PCDH15: variants seen among roughly 807,000 people sequenced by gnomAD.
The protein encoded by PCDH15 is protocadherin related 15, also known as protocadherin-15.
Under a neutral mutation model 178.5 loss-of-function variants are expected in PCDH15, and 129 were observed. The observed-to-expected ratio is 0.72, with a 90% confidence interval of 0.63 to 0.84. The LOEUF is 0.84. Among genes scored for constraint, PCDH15 ranks in the 40% least tolerant of loss-of-function variants. The probability of loss-of-function intolerance (pLI) is 0.00; values close to 1 mark genes in which losing one functional copy is unlikely to be tolerated. For synonymous variants in PCDH15, 800 were observed against 732.0 expected (o/e 1.09, Z -1.50); for missense variants, 2,230 against 2,099.9 (o/e 1.06, Z -1.21).
chr10:53,814,840 T>A (rs1301563664), intron 35 of PCDH15, among the ~76,000 whole-genome samples: 2 of 151,898 alleles, frequency 1.3e-5, no homozygotes, highest in Non-Finnish European at 2.9e-5. Flanking sequence ...GGCACACGCC[T>A]GTAATCCCAG....
At chr10:55,240,111 C>G (rs1841500691) in intron 1 of PCDH15, among the ~76,000 whole-genome samples, 1 of 152,112 alleles carries the variant, frequency 6.6e-6, no homozygotes, top group Non-Finnish European at 1.5e-5. Flanking sequence ...CTGTGAATAA[C>G]AGTGTGGAGG....
At chr10:54,477,570 G>C (rs773086928) in intron 3 of PCDH15, among the ~76,000 whole-genome samples, 1 of 152,126 alleles carries the variant, frequency 6.6e-6, no homozygotes, top group Non-Finnish European at 1.5e-5. Flanking sequence ...CATGTGTGTT[G>C]AATGAATGAA....
At chr10:55,099,249 C>T (rs894049266) in intron 2 of PCDH15, among the ~76,000 whole-genome samples, 1 of 152,026 alleles carries the variant, frequency 6.6e-6, no homozygotes, top group Non-Finnish European at 1.5e-5. Context: ...CTACTTACAG[C>T]TTCTTCAAAT....
At chr10:54,417,188 C>A (rs1171740683) in intron 3 of PCDH15, among the ~76,000 whole-genome samples, 1 of 152,138 alleles carries the variant, frequency 6.6e-6, no homozygotes, top group Non-Finnish European at 1.5e-5. Flanking sequence ...CCTCATCCAG[C>A]AACCAAAATT....
intron 1 of PCDH15, among the ~76,000 whole-genome samples, chr10:55,306,663 C>T (rs957804938): frequency 4.6e-5 from 7 of 152,210 alleles, no homozygotes; most frequent in South Asian, 2.1e-4. Context: ...AATAGAAACT[C>T]GAGATTCTCA....
chr10:55,587,113 T>G (rs911971376), intron 2 of PCDH15, among the ~76,000 whole-genome samples: 2 of 152,114 alleles, frequency 1.3e-5, no homozygotes, highest in Admixed American at 1.3e-4. Context: ...TGTACCTTTT[T>G]TGTATTGTTA....
intron 3 of PCDH15, among the ~76,000 whole-genome samples, chr10:54,409,027 C>T (rs10733931): frequency 0.79 from 120,786 of 152,112 alleles, 48,738 homozygotes; most frequent in East Asian, 0.99. Flanking sequence ...GTTTCTCCCA[C>T]AGTATTCTCA....
intron 2 of PCDH15, among the ~76,000 whole-genome samples, chr10:55,009,555 A>C (rs868464654): frequency 3.3e-5 from 5 of 152,022 alleles, no homozygotes; most frequent in Non-Finnish European, 7.4e-5. Context: ...ATTCATAATT[A>C]TTATTATCTT....
At chr10:54,297,137 G>C (rs1331875672) in intron 8 of PCDH15, among the ~76,000 whole-genome samples, 2 of 152,054 alleles carry the variant, frequency 1.3e-5, no homozygotes, top group Admixed American at 1.3e-4. Context: ...TGATCAGCAG[G>C]GTCCAGGGGC....
At chr10:54,490,852 T>C (rs919420878) in intron 3 of PCDH15, among the ~76,000 whole-genome samples, 2 of 152,194 alleles carry the variant, frequency 1.3e-5, no homozygotes, top group Admixed American at 6.6e-5. Context: ...CCATTTTACA[T>C]AGGTGTATTC....
intron 2 of PCDH15, among the ~76,000 whole-genome samples, chr10:55,084,462 T>TAAAAAA (rs71461276): frequency 3.6e-4 from 52 of 145,622 alleles, no homozygotes; most frequent in Middle Eastern, 7.0e-3. Context: ...CCTCAAGCTG[T>TAAAAAA]AAAAAAAAAA....
intron 27 of PCDH15, among the ~76,000 whole-genome samples, chr10:53,864,792 T>C (rs573416584): frequency 5.9e-5 from 9 of 151,848 alleles, no homozygotes; most frequent in Admixed American, 5.9e-4. Flanking sequence ...TCAAAAATAA[T>C]AATAATAAAA....
chr10:54,487,311 G>T (rs564189867), intron 3 of PCDH15, among the ~76,000 whole-genome samples: 1 of 152,002 alleles, frequency 6.6e-6, no homozygotes, highest in Non-Finnish European at 1.5e-5. Flanking sequence ...TGGACGTAAA[G>T]TGTGGAATGA....
chr10:54,592,505 T>C (rs2091950269), intron 2 of PCDH15, among the ~76,000 whole-genome samples: 1 of 152,158 alleles, frequency 6.6e-6, no homozygotes, highest in African/African-American at 2.4e-5. Flanking sequence ...ATCACATCCA[T>C]AATGTAAAAC....
intron 13 of PCDH15, among the ~76,000 whole-genome samples, chr10:54,175,160 C>A (rs907164773): frequency 6.6e-6 from 1 of 152,040 alleles, no homozygotes; most frequent in Non-Finnish European, 1.5e-5. Context: ...GTAAATATAA[C>A]CCTCAAACTT....
intron 2 of PCDH15, among the ~76,000 whole-genome samples, chr10:54,661,367 C>T (rs1565881653): frequency 2.6e-5 from 4 of 151,740 alleles, no homozygotes; most frequent in Admixed American, 6.6e-5. Flanking sequence ...ATGTCCACAA[C>T]AAGAACTATA....
intron 17 of PCDH15, among the ~76,000 whole-genome samples, chr10:54,077,330 A>G (rs2094359235): frequency 6.6e-6 from 1 of 152,192 alleles, no homozygotes; most frequent in Admixed American, 6.5e-5. Flanking sequence ...TGAACTAGAA[A>G]GAACAAAACT....
chr10:54,982,037 T>G (rs187110193), intron 2 of PCDH15, among the ~76,000 whole-genome samples: 5 of 152,136 alleles, frequency 3.3e-5, no homozygotes, highest in African/African-American at 1.2e-4. Context: ...CCCAAACTGC[T>G]AGGATTACAG....
At chr10:54,785,423 C>A (rs1950764997) in intron 1 of PCDH15, among the ~76,000 whole-genome samples, 1 of 151,940 alleles carries the variant, frequency 6.6e-6, no homozygotes, top group African/African-American at 2.4e-5. Context: ...TAGGGTAATA[C>A]CTAATAAGCA....
Sources: allele counts gnomAD v4.1 joint callset (sites outside exome capture counted in the v4.1 genomes callset), GRCh38; gene constraint gnomAD v4.1.1; transcripts MANE v1.5; gene names NCBI Gene and HGNC (gene_info 2026-07-23, HGNC 2026-07-21).